Variants in TGIF2 observed in about 807,000 individuals in gnomAD.
TGIF2 encodes TGFB induced factor homeobox 2.
In TGIF2, 5 loss-of-function variants were observed where a neutral mutation model predicts 15.1. The ratio of observed to expected loss-of-function variants is 0.33; its 90% CI spans 0.17 to 0.70. The LOEUF (loss-of-function observed/expected upper bound fraction) is 0.70, where lower values mean the gene tolerates loss of function less well. Ranked by LOEUF, TGIF2 falls within the 30% of genes least tolerant of loss-of-function variation. The pLI is 0.67. For missense variants in TGIF2, 264 were observed against 302.5 expected (o/e 0.87, Z 0.94); for synonymous variants, 131 against 128.9 (o/e 1.02, Z -0.11).
At chr20:36,581,920 T>C (rs1412007614) in intron 2 of TGIF2, among the ~76,000 whole-genome samples, 1 of 150,252 alleles carries the variant, frequency 6.7e-6, no homozygotes, top group Non-Finnish European at 1.5e-5. Context: ...TGAGCCACCA[T>C]GCCTGGCCCA....
intron 2 of TGIF2, among the ~76,000 whole-genome samples, chr20:36,589,657 C>T (rs1011783915): frequency 6.6e-6 from 1 of 152,030 alleles, no homozygotes; most frequent in African/African-American, 2.4e-5. Flanking sequence ...TCCCAAAATG[C>T]TGGGATTACA....
At chr20:36,576,721 A>G (rs1448395433) in intron 1 of TGIF2, among the ~76,000 whole-genome samples, 2 of 152,092 alleles carry the variant, frequency 1.3e-5, no homozygotes, top group Non-Finnish European at 2.9e-5. Context: ...GCGGGGGGAT[A>G]GGGGGACAGG....
At chr20:36,576,070 C>G (rs1485634465) in intron 1 of TGIF2, among the ~76,000 whole-genome samples, 1 of 150,600 alleles carries the variant, frequency 6.6e-6, no homozygotes, top group Non-Finnish European at 1.5e-5. Context: ...CCAGCCTAGG[C>G]TACAGAGCGA....
chr20:36,579,108 A>G, intron 2 of TGIF2, 142 bp downstream of exon 2: 1 of 1,132,380 alleles, frequency 8.8e-7, no homozygotes, highest in Non-Finnish European at 1.2e-6. Context: ...AGGGGAGAAC[A>G]CCCACTCTCC....
chr20:36,580,288 C>T (rs2038517341), intron 2 of TGIF2, among the ~76,000 whole-genome samples: 1 of 152,196 alleles, frequency 6.6e-6, no homozygotes, highest in Non-Finnish European at 1.5e-5. Flanking sequence ...CCTCAGAACT[C>T]CTGTCACCTG....
At chr20:36,582,169 G>C (rs996826553) in intron 2 of TGIF2, among the ~76,000 whole-genome samples, 2 of 152,006 alleles carry the variant, frequency 1.3e-5, no homozygotes, top group Non-Finnish European at 2.9e-5. Context: ...CCCGGGAGGC[G>C]GAGGTTGCGG....
At position 36,591,294 on chromosome 20, in the gene TGIF2, G is replaced by A; in HGVS notation, c.577G>A (p.Glu193Lys). The change falls in exon 3 of 3, where the codon GAG becomes AAG. Residue 193 changes from glutamate (E) to lysine (K), a missense_variant. Glu to Lys is a moderately conservative substitution (Grantham distance 56). Transcript: ENST00000373872. The surrounding 1 kb of genome is among the most constrained non-coding windows in gnomAD (Gnocchi z 5.3). ...ACCCACACCCCCAGAGCAGGACAAAGAGGACTTCAGCAGCTTCCAGCTGCT... is the reference window on the plus strand; with the variant it reads ...ACCCACACCCCCAGAGCAGGACAAAAAGGACTTCAGCAGCTTCCAGCTGCT... The part of the protein sequence containing the change: ...PPPTPPEQDK[E>K]DFSSFQLLVE... The A allele has an allele frequency of 6.2e-7, 1 of 1,614,210 alleles. No homozygotes were observed. The highest frequency in any genetic ancestry group is 8.5e-7 in the Non-Finnish European group (1 of 1,180,042).
intron 1 of TGIF2, among the ~76,000 whole-genome samples, chr20:36,576,798 G>A (rs758868762): frequency 1.3e-5 from 2 of 151,860 alleles, no homozygotes; most frequent in Non-Finnish European, 2.9e-5. Flanking sequence ...CTCTGCCTCC[G>A]GGCTCAAGCG....
rs773845710 is a variant in TGIF2 at position 36,591,009 on chromosome 20, G to C, written c.292G>C (p.Gly98Arg). The change falls in exon 3 of 3, where the codon GGT (glycine) becomes CGT (arginine). Residue 98 changes from glycine to arginine, a missense_variant. By Grantham distance (125) the Gly-to-Arg change is moderately radical (BLOSUM62 -2). Transcript: ENST00000373872. The surrounding 1 kb of genome is among the most constrained non-coding windows in gnomAD (Gnocchi z 5.3). The part of the protein sequence containing the change: ...PNQFTISRRG[G>R]KASDVALPRG... ...TCAGTTTACCATTTCCCGCCGCGGGGGTAAGGCCTCAGATGTGGCCCTCCC... is the reference window on the plus strand; with the variant it reads ...TCAGTTTACCATTTCCCGCCGCGGGCGTAAGGCCTCAGATGTGGCCCTCCC... The C allele has an allele frequency of 3.8e-6, 6 of 1,594,602 alleles. No homozygotes were observed. In the African/African-American group the frequency reaches 8.1e-5, roughly 21 times the overall value.
chr20:36,576,573 C>A (rs999740933), intron 1 of TGIF2, among the ~76,000 whole-genome samples: 8 of 152,190 alleles, frequency 5.3e-5, no homozygotes, highest in African/African-American at 1.9e-4. Flanking sequence ...ACTATCCTAA[C>A]CTGGGGGTGG....
Position 36,578,951 on chromosome 20 carries a change from C to A in TGIF2, c.177C>A (p.Asn59Lys), listed in dbSNP as rs1350956946. 8 of 1,613,696 alleles carry A rather than the reference C, an allele frequency of 5.0e-6. No homozygotes were observed. Among genetic ancestry groups the A allele is most frequent in the South Asian group, 3.3e-5 (3 of 91,058 alleles). The change falls in exon 2 of 3, where the codon AAC becomes AAA. Residue 59 changes from asparagine to lysine, a missense_variant. Asn to Lys is a moderately conservative substitution (Grantham distance 94). Coordinates refer to ENST00000373872, the MANE Select transcript of TGIF2 (RefSeq NM_021809.7). Reference sequence around the variant, plus strand: ...AGCTGAGCCTTTCTGGACAGACCAACCTGTCAGTGCTGCAAGTAAGGAGGG... The same window carrying A: ...AGCTGAGCCTTTCTGGACAGACCAAACTGTCAGTGCTGCAAGTAAGGAGGG... ...QEKLSLSGQT[N>K]LSVLQICNWF...
chr20:36,579,612 G>T (rs1271603660), intron 2 of TGIF2, among the ~76,000 whole-genome samples: 1 of 152,188 alleles, frequency 6.6e-6, no homozygotes, highest in African/African-American at 2.4e-5. Context: ...AGTATTGGAC[G>T]GCGACTTGGT....
intron 2 of TGIF2, among the ~76,000 whole-genome samples, chr20:36,581,728 A>G (rs1473248607): frequency 6.6e-6 from 1 of 152,080 alleles, no homozygotes; most frequent in Non-Finnish European, 1.5e-5. Flanking sequence ...TCCCGGGTTC[A>G]AGTGATTCTC....
chr20:36,591,165 G>A lies in TGIF2; in HGVS notation c.448G>A (p.Glu150Lys). The A allele has an allele frequency of 6.2e-7, 1 of 1,614,170 alleles. No homozygotes were observed. Residue 150 changes from glutamate (E) to lysine (K), a missense_variant, in exon 3 of 3, where the codon GAG (glutamate) becomes AAG (lysine). Coordinates refer to ENST00000373872, the MANE Select transcript of TGIF2 (RefSeq NM_021809.7). The surrounding 1 kb of genome is among the most constrained non-coding windows in gnomAD (Gnocchi z 5.3). ...EKPAAPFPRG[E>K]LESPKPLVTP... ...GCCAGCAGCCCCTTTCCCACGTGGG[G>A]AGCTGGAGTCTCCCAAGCCCCTGGT...
At position 36,573,598 on chromosome 20, in the gene TGIF2, G is replaced by A. The variant is rs1287655660; in HGVS notation, c.-182G>A. 4.6e-5 allele frequency: 7 copies of A among 150,592 alleles called. No individual in the cohort carries two copies. The highest frequency in any genetic ancestry group is 1.0e-4 in the Non-Finnish European group (7 of 67,456). The allele number at this position is 150,592 out of a possible 1,614,324, so 9.3% of individuals were successfully genotyped here. On this transcript the variant is annotated 5_prime_UTR_variant, in exon 1 of 3. Transcript: ENST00000373872. The stretch of plus-strand genomic sequence containing the variant: ...GGGGAGGAGAGGGGATCTGACGTCA[G>A]GCCGCGAGGTGCTTTCCAGCCGCGA...
chr20:36,590,181 C>T (rs982290995), intron 2 of TGIF2, among the ~76,000 whole-genome samples: 4 of 151,582 alleles, frequency 2.6e-5, no homozygotes, highest in African/African-American at 9.7e-5. Flanking sequence ...GGTCTCGAAT[C>T]CCTGGGCTCA....
intron 1 of TGIF2, among the ~76,000 whole-genome samples, chr20:36,577,582 G>A (rs769621584): frequency 2.7e-5 from 4 of 148,646 alleles, no homozygotes; most frequent in East Asian, 2.0e-4. Context: ...GCGGTGGCAC[G>A]ATTTCGGCTC....
chr20:36,585,277 C>A (rs932499623), intron 2 of TGIF2, among the ~76,000 whole-genome samples: 79 of 152,028 alleles, frequency 5.2e-4, no homozygotes, highest in African/African-American at 1.8e-3. Context: ...GCGGGTGTAT[C>A]ACTTGAGGCC....
intron 2 of TGIF2, among the ~76,000 whole-genome samples, chr20:36,584,912 G>A (rs192892371): frequency 5.9e-5 from 9 of 152,124 alleles, no homozygotes; most frequent in East Asian, 5.8e-4. Context: ...AAAGCTGAAC[G>A]CAGGCTGGGC....
Sources: gnomAD v4.1 joint callset for allele counts (sites outside exome capture counted in the v4.1 genomes callset) on GRCh38, gnomAD v4.1.1 for gene constraint, Gnocchi (gnomAD v3.1) non-coding constraint, MANE v1.5 for transcripts, NCBI Gene and HGNC (gene_info 2026-07-23, HGNC 2026-07-21) for gene names.